NOP2: variants seen among roughly 807,000 people sequenced by gnomAD.
NOP2 encodes the protein 28S rRNA (cytosine(4447)-C(5))-methyltransferase.
NOP2 carries 7 observed loss-of-function variants against 72.7 expected under a neutral mutation model. The observed-to-expected ratio is 0.10, with a 90% CI of 0.05 to 0.18. NOP2 has a LOEUF of 0.18. Among genes scored for constraint, NOP2 ranks in the 10% least tolerant of loss-of-function variants. The pLI is 1.00. For synonymous variants in NOP2, 387 were observed against 388.0 expected (o/e 1.00, Z 0.03); for missense variants, 954 against 1,014.7 (o/e 0.94, Z 0.81).
chr12:6,564,180 G>T, intron 5 of NOP2: 1 of 1,293,366 alleles, frequency 7.7e-7, no homozygotes, highest in Non-Finnish European at 1.0e-6. Flanking sequence ...GGAAGCTGAG[G>T]CAGGAGAATT....
Position 6,563,939 on chromosome 12 carries a change from G to A in NOP2, c.482C>T (p.Pro161Leu), listed in dbSNP as rs761043612. The A allele has an allele frequency of 6.8e-6, 11 of 1,613,246 alleles. No homozygotes were observed. The highest frequency in any genetic ancestry group is 9.3e-6 in the Non-Finnish European group (11 of 1,179,650). The stretch of plus-strand genomic sequence containing the variant: ...CTGCTTCCGAGCAGCTCTTTCAATG[G>A]GCAGCAACTGAAGAGAGACAAGGGC... ...EDEEEGEALL[P>L]IERAARKQKA... is the part of the protein sequence containing the mutation. Residue 161 changes from proline (P) to leucine (L), a missense_variant, in exon 6 of 16, where the codon CCC (proline) becomes CTC (leucine). Physicochemically the swap from Pro to Leu is moderately conservative, Grantham distance 98. This residue lies in a region of NOP2 where 498 missense variants were observed against 478.3 expected (regional missense o/e 1.04). Transcript: ENST00000322166.
At position 6,560,540 on chromosome 12, in the gene NOP2, G is replaced by A. The variant is rs1947617151; in HGVS notation, c.1467C>T (p.His489=). 1 of 1,603,330 alleles carries A rather than the reference G, an allele frequency of 6.2e-7. No individual in the cohort carries two copies. The highest frequency in any genetic ancestry group is 8.5e-7 in the Non-Finnish European group (1 of 1,173,602). The change falls in exon 14 of 16, where the codon CAC becomes CAT. Residue 489 remains histidine (H), a synonymous_variant. Transcript: ENST00000322166. This position sits in a 1 kb window ranked among gnomAD's most constrained non-coding sequence, Gnocchi z 5.0. The part of the protein sequence containing the change: ...KDEKDILRCA[H]LQKELLLSAI... ...CACTCAGGAGCAACTCCTTCTGGAGGTGAGCACAGCGCAGGATGTCCTTCT... is the reference window on the plus strand; with the variant it reads ...CACTCAGGAGCAACTCCTTCTGGAGATGAGCACAGCGCAGGATGTCCTTCT...
At chr12:6,561,579 C>T (rs1002876704) in intron 11 of NOP2, 85 bp downstream of exon 11, 40 of 1,544,440 alleles carry the variant, frequency 2.6e-5, no homozygotes, top group Non-Finnish European at 7.1e-6. Flanking sequence ...TCCATGAGCA[C>T]TAGTGAGTCA....
In NOP2 at chr12:6,567,941, G is replaced by A. The variant is rs1947826561; in HGVS notation, c.-4-19C>T. On this transcript the variant is annotated intron_variant, in intron 1 of 15. Coordinates refer to ENST00000322166, the MANE Select transcript of NOP2 (RefSeq NM_001258308.2). ...CATGGTACTGTGGCAGGCAGAAATG[G>A]GAGAAGGTGGCGTCGCGCGTGTCGG... 6 of 1,593,832 alleles carry A rather than the reference G, an allele frequency of 3.8e-6. No individual in the cohort carries two copies. The highest frequency in any genetic ancestry group is 2.7e-5 in the African/African-American group (2 of 74,344).
intron 2 of NOP2, 84 bp downstream of exon 2, chr12:6,567,732 T>A: frequency 1.9e-6 from 2 of 1,076,628 alleles, no homozygotes; most frequent in Non-Finnish European, 1.4e-6. Flanking sequence ...AAATATAAAA[T>A]GAACAGAAAC....
At position 6,560,329 on chromosome 12, in the gene NOP2, G is replaced by T. The variant is rs756829555; in HGVS notation, c.1561-3C>A. The T allele has an allele frequency of 1.2e-6, 2 of 1,611,818 alleles. No individual in the cohort carries two copies. The highest frequency in any genetic ancestry group is 2.7e-5 in the African/African-American group (2 of 74,848). On this transcript the variant is annotated splice_region_variant and splice_polypyrimidine_tract_variant and intron_variant, in intron 14 of 15. Transcript: ENST00000322166. This position sits in a 1 kb window ranked among gnomAD's most constrained non-coding sequence, Gnocchi z 5.0. Reference sequence around the variant, plus strand: ...ACCACCCACTCATTCTCTTCTACCTGGATGTGGGGGGAAGACAAAGAACGG... The same window carrying T: ...ACCACCCACTCATTCTCTTCTACCTTGATGTGGGGGGAAGACAAAGAACGG...
rs1475479985 is a variant in NOP2, at chr12:6,561,146, A to T, written c.1208-76T>A. On this transcript the variant is annotated intron_variant, in intron 11 of 15. Transcript: ENST00000322166. The stretch of plus-strand genomic sequence containing the variant: ...ACTTGCTCCCACCCTCCTGTCCAGG[A>T]ATCCACATGAGAAGTGTCATCACCT... The T allele has an allele frequency of 6.4e-6, 10 of 1,565,574 alleles. No homozygotes were observed. The East Asian group carries it at 2.0e-4, about 32-fold the overall frequency.
chr12:6,563,108 C>A lies in NOP2; in HGVS notation c.951G>T (p.Leu317Phe). ...GTGCAAGGTCTCGGCGTCGGGTTTT[C>A]AAGGTATTGGTCCGGAGGGTGACGG... ...PRPVTLRTNT[L>F]KTRRRDLAQA... is the part of the protein sequence containing the mutation. Residue 317 changes from leucine to phenylalanine, a missense_variant, in exon 9 of 16, where the codon TTG (leucine) becomes TTT (phenylalanine). Leu to Phe is a conservative substitution (Grantham distance 22). This residue lies in a region of NOP2 where 498 missense variants were observed against 478.3 expected (regional missense o/e 1.04). Transcript: ENST00000322166. The A allele has an allele frequency of 6.3e-7, 1 of 1,595,858 alleles. No homozygotes were observed. The highest frequency in any genetic ancestry group is 2.3e-5 in the East Asian group (1 of 44,086).
intron 15 of NOP2, chr12:6,558,138 C>T: frequency 6.4e-6 from 1 of 156,688 alleles, no homozygotes. Flanking sequence ...AAGACACCGT[C>T]TCAAAAAAAA....
At chr12:6,561,256 G>A (rs1029523016) in intron 11 of NOP2, among the ~76,000 whole-genome samples, 186 bp from the exon 12 acceptor site, 4 of 152,198 alleles carry the variant, frequency 2.6e-5, no homozygotes, top group African/African-American at 7.2e-5. Context: ...CAAGTCTACC[G>A]ATGTGGTTTT....
intron 5 of NOP2, among the ~76,000 whole-genome samples, chr12:6,565,582 C>T (rs982502897): frequency 6.6e-6 from 1 of 152,064 alleles, no homozygotes; most frequent in Non-Finnish European, 1.5e-5. Flanking sequence ...TCAGGTGATC[C>T]GCCCACCTTG....
intron 6 of NOP2, 29 bp from the exon 7 acceptor site, chr12:6,563,800 T>C (rs1459091479): frequency 6.2e-7 from 1 of 1,612,918 alleles, no homozygotes. Flanking sequence ...ACAGAGTGAT[T>C]CACAGACCAA....
In NOP2 at chr12:6,556,945, C is replaced by A; in HGVS notation, c.*48G>T. ...AGGCATCCTCACAGAGGCAAGAGTT[C>A]CAACCTGGTGACAATGGCAGTGAGC... On this transcript the variant is annotated 3_prime_UTR_variant, in exon 16 of 16. Coordinates refer to ENST00000322166, the MANE Select transcript of NOP2 (RefSeq NM_001258308.2). 1 of 1,606,856 alleles carries A rather than the reference C, an allele frequency of 6.2e-7. No homozygotes were observed. Among genetic ancestry groups the A allele is most frequent in the Non-Finnish European group, 8.5e-7 (1 of 1,176,744 alleles).
At chr12:6,561,576 G>A (rs775736952) in intron 11 of NOP2, 88 bp downstream of exon 11, 29 of 1,525,012 alleles carry the variant, frequency 1.9e-5, no homozygotes, top group South Asian at 1.4e-4. Flanking sequence ...TGTTCCATGA[G>A]CACTAGTGAG....
chr12:6,566,969 T>C, intron 2 of NOP2, 147 bp from the exon 3 acceptor site: 1 of 687,880 alleles, frequency 1.5e-6, no homozygotes, highest in East Asian at 2.7e-5. Context: ...AATAACTGTA[T>C]ACAAGTTTCT....
intron 5 of NOP2, among the ~76,000 whole-genome samples, chr12:6,564,739 T>TC (rs573454356): frequency 1.0e-5 from 1 of 98,924 alleles, no homozygotes; most frequent in Non-Finnish European, 2.3e-5. Flanking sequence ...CATTTTGTCG[T>TC]TTTTTTTTTT....
In NOP2 at chr12:6,560,547, C is replaced by T; in HGVS notation, c.1460G>A (p.Cys487Tyr). The part of the protein sequence containing the change: ...TNKDEKDILR[C>Y]AHLQKELLLS... ...GAGCAACTCCTTCTGGAGGTGAGCA[C>T]AGCGCAGGATGTCCTTCTCATCCTG... Residue 487 changes from cysteine to tyrosine, a missense_variant, in exon 14 of 16, where the codon TGT becomes TAT. This residue lies in a region of NOP2 where 187 missense variants were observed against 276.2 expected (regional missense o/e 0.68). Coordinates refer to ENST00000322166, the MANE Select transcript of NOP2 (RefSeq NM_001258308.2). The surrounding 1 kb of genome is among the most constrained non-coding windows in gnomAD (Gnocchi z 5.0). The T allele has an allele frequency of 1.2e-6, 2 of 1,601,278 alleles. No individual in the cohort carries two copies. Among genetic ancestry groups the T allele is most frequent in the Non-Finnish European group, 8.5e-7 (1 of 1,172,256 alleles).
At chr12:6,559,774 A>G (rs975348451) in intron 15 of NOP2, among the ~76,000 whole-genome samples, 1 of 152,242 alleles carries the variant, frequency 6.6e-6, no homozygotes, top group Non-Finnish European at 1.5e-5. Flanking sequence ...GCAGAGGTCC[A>G]GTACCAGTAA....
chr12:6,563,527 A>T lies in NOP2; in HGVS notation c.689-13T>A, dbSNP rs762668139. On this transcript the variant is annotated splice_polypyrimidine_tract_variant and intron_variant, in intron 7 of 15. Coordinates refer to ENST00000322166, the MANE Select transcript of NOP2 (RefSeq NM_001258308.2). ...GGAGCCTGGGCATGTGGGCCTGTTAAGGAACTGTGTCATGATGTCCTAAGG... is the reference window on the plus strand; with the variant it reads ...GGAGCCTGGGCATGTGGGCCTGTTATGGAACTGTGTCATGATGTCCTAAGG... 1.2e-6 allele frequency: 2 copies of T among 1,612,616 alleles called. No individual in the cohort carries two copies. Among genetic ancestry groups the T allele is most frequent in the Admixed American group, 1.7e-5 (1 of 59,796 alleles).
Sources: gnomAD v4.1 joint callset for allele counts (sites outside exome capture counted in the v4.1 genomes callset) on GRCh38, gnomAD v4.1.1 for gene constraint, gnomAD v4.1.1 regional missense constraint, Gnocchi (gnomAD v3.1) non-coding constraint, MANE v1.5 for transcripts, NCBI Gene and HGNC (gene_info 2026-07-23, HGNC 2026-07-21) for gene names.